Variants in ANKRD45 observed in about 807,000 individuals in gnomAD.
ANKRD45 encodes the protein ankyrin repeat domain-containing protein 45.
In ANKRD45, 21 loss-of-function variants were observed where a neutral mutation model predicts 28.1. The observed-to-expected ratio is 0.75, with a 90% CI of 0.53 to 1.08. The LOEUF (loss-of-function observed/expected upper bound fraction) is 1.08. Among genes scored for constraint, ANKRD45 ranks in the 50% least tolerant of loss-of-function variants. The pLI is 0.00. For missense variants in ANKRD45, 261 were observed against 308.7 expected (o/e 0.85, Z 1.16); for synonymous variants, 86 against 103.9 (o/e 0.83, Z 1.05).
intron 3 of ANKRD45, among the ~76,000 whole-genome samples, chr1:173,643,627 C>T (rs1668799364): frequency 6.6e-6 from 1 of 151,448 alleles, no homozygotes; most frequent in Non-Finnish European, 1.5e-5. Flanking sequence ...TTTTTAATTT[C>T]AGACTTTTGT....
chr1:173,669,307 A>C, intron 1 of ANKRD45: 1 of 397,700 alleles, frequency 2.5e-6, no homozygotes, highest in African/African-American at 2.1e-5. Flanking sequence ...GAAGAGCATA[A>C]ACAAAGGGCA....
chr1:173,609,425 G>C lies in ANKRD45; in HGVS notation c.*720C>G, dbSNP rs765887020. 4 of 152,160 alleles carry C rather than the reference G, an allele frequency of 2.6e-5. No individual in the cohort carries two copies. Among genetic ancestry groups the C allele is most frequent in the Non-Finnish European group, 5.9e-5 (4 of 68,034 alleles). The allele number at this position is 152,160 out of a possible 1,614,324, so 9.4% of individuals were successfully genotyped here. A position where few individuals can be genotyped will look rare whatever the true frequency, so the allele number is the denominator to read the frequency against. ...CCTGATTAAATAAATTAGAAAAAAG[G>C]CTTTCCAAACCACCAATATGAAACC... On this transcript the variant is annotated 3_prime_UTR_variant, in exon 6 of 6. Transcript: ENST00000333279.
chr1:173,629,084 G>T (rs1262405610), intron 3 of ANKRD45, among the ~76,000 whole-genome samples: 1 of 152,242 alleles, frequency 6.6e-6, no homozygotes, highest in Non-Finnish European at 1.5e-5. Context: ...CTGAGCTTGG[G>T]GTGCCCCCTA....
upstream of ANKRD45, among the ~76,000 whole-genome samples, chr1:173,672,278 C>T (rs1237302942): frequency 6.6e-6 from 1 of 152,202 alleles, no homozygotes; most frequent in Non-Finnish European, 1.5e-5. Flanking sequence ...CAGTTGGAAG[C>T]TTGCTCCTGC....
chr1:173,612,232 G>C (rs780186347), intron 5 of ANKRD45, among the ~76,000 whole-genome samples: 10 of 151,422 alleles, frequency 6.6e-5, no homozygotes, highest in Non-Finnish European at 1.3e-4. Flanking sequence ...GCAACAGAGT[G>C]AGAGCCTGTC....
the ANKRD45 span, among the ~76,000 whole-genome samples, chr1:173,688,497 CCT>C: frequency 2.5e-5 from 3 of 120,168 alleles, no homozygotes; most frequent in Non-Finnish European, 5.2e-5. Flanking sequence ...TCTGCCTCTT[CCT>C]CTCTCTGCCT....
the ANKRD45 span, among the ~76,000 whole-genome samples, chr1:173,710,823 C>T: frequency 2.0e-5 from 3 of 152,084 alleles, no homozygotes; most frequent in African/African-American, 2.4e-5. Context: ...GACCATCACC[C>T]GATGGTCACC....
chr1:173,706,327 CTTGTT>C, the ANKRD45 span, among the ~76,000 whole-genome samples: 1 of 150,516 alleles, frequency 6.6e-6, no homozygotes, highest in Non-Finnish European at 1.5e-5. Context: ...AAAGATCCTC[CTTGTT>C]TTGTTTTGCT....
chr1:173,663,810 TTA>T (rs1299064889), intron 1 of ANKRD45, among the ~76,000 whole-genome samples: 1 of 152,210 alleles, frequency 6.6e-6, no homozygotes, highest in Non-Finnish European at 1.5e-5. Flanking sequence ...GTAAATTAGT[TTA>T]TGACATTTTA....
At chr1:173,686,904 T>G in the ANKRD45 span, among the ~76,000 whole-genome samples, 3 of 152,254 alleles carry the variant, frequency 2.0e-5, no homozygotes, top group Admixed American at 6.5e-5. Flanking sequence ...ATTTTTAATG[T>G]CTGACCAGAA....
chr1:173,712,837 C>T, the ANKRD45 span, among the ~76,000 whole-genome samples: 3 of 152,290 alleles, frequency 2.0e-5, no homozygotes, highest in East Asian at 5.8e-4. Context: ...TTTTACCATG[C>T]ACTATAATCA....
chr1:173,707,486 C>T, the ANKRD45 span, among the ~76,000 whole-genome samples: 3 of 152,066 alleles, frequency 2.0e-5, no homozygotes, highest in Non-Finnish European at 2.9e-5. Context: ...GTGCCCGCCA[C>T]CATGCCCAGC....
intron 3 of ANKRD45, among the ~76,000 whole-genome samples, chr1:173,642,379 G>A (rs1184579213): frequency 6.6e-6 from 1 of 151,968 alleles, no homozygotes. Context: ...TCTCTTAAAA[G>A]GACAAACAGA....
At chr1:173,674,176 AT>A (rs972203018), upstream of ANKRD45, among the ~76,000 whole-genome samples, 25 of 150,898 alleles carry the variant, frequency 1.7e-4, no homozygotes, top group African/African-American at 5.6e-4. Flanking sequence ...TGCCCAGCTA[AT>A]TTTTTTTTGT....
At chr1:173,674,161 C>A (rs181372384), upstream of ANKRD45, among the ~76,000 whole-genome samples, 2 of 152,124 alleles carry the variant, frequency 1.3e-5, no homozygotes, top group Admixed American at 6.5e-5. Context: ...AGGCACCCAC[C>A]ACCATGCCCA....
the ANKRD45 span, among the ~76,000 whole-genome samples, chr1:173,700,757 C>A: frequency 6.6e-6 from 1 of 152,178 alleles, no homozygotes; most frequent in Non-Finnish European, 1.5e-5. Flanking sequence ...AGGACATAGG[C>A]ATGGGTAAGG....
chr1:173,637,942 G>A (rs908094161), intron 3 of ANKRD45, among the ~76,000 whole-genome samples: 10 of 152,230 alleles, frequency 6.6e-5, no homozygotes, highest in Admixed American at 3.3e-4. Context: ...GGACCTACCC[G>A]GAGCAAGGAA....
At chr1:173,667,659 T>G (rs928006113) in intron 1 of ANKRD45, 7 of 378,158 alleles carry the variant, frequency 1.9e-5, no homozygotes, top group African/African-American at 1.6e-4. Context: ...TGAGCTAAGA[T>G]CACCCCACTG....
the ANKRD45 span, among the ~76,000 whole-genome samples, chr1:173,699,922 G>C: frequency 6.6e-6 from 1 of 151,984 alleles, no homozygotes; most frequent in Non-Finnish European, 1.5e-5. Flanking sequence ...TTAGAAAACC[G>C]CATCATCTCA....
Sources: allele counts gnomAD v4.1 joint callset (sites outside exome capture counted in the v4.1 genomes callset), GRCh38; gene constraint gnomAD v4.1.1; transcripts MANE v1.5; gene names NCBI Gene and HGNC (gene_info 2026-07-23, HGNC 2026-07-21).